The following PRPF18 variants were observed in gnomAD, a reference collection of about 807,000 sequenced individuals.
The protein encoded by PRPF18 is pre-mRNA processing factor 18, also known as pre-mRNA-splicing factor 18.
In PRPF18, 38 loss-of-function variants were observed where a neutral mutation model predicts 46.5. The observed-to-expected ratio is 0.82, with a 90% CI of 0.63 to 1.07. The LOEUF (loss-of-function observed/expected upper bound fraction) is 1.07. Ranked by LOEUF, PRPF18 falls within the 50% of genes least tolerant of loss-of-function variation. The pLI is 0.00. For missense variants in PRPF18, 263 were observed against 410.0 expected (o/e 0.64, Z 3.10); for synonymous variants, 152 against 146.7 (o/e 1.04, Z -0.26).
the PRPF18 span, chr10:13,642,668 T>TA: frequency 6.6e-6 from 1 of 152,232 alleles, no homozygotes; most frequent in Non-Finnish European, 1.5e-5. Context: ...GAGAAGATGA[T>TA]ACGCTAATTT....
rs2080075378 is a variant in PRPF18 at position 13,599,425 on chromosome 10, A to G, written c.145-819A>G. ...TTTATGTTCTTTTGATCTTACTCCT[A>G]CTTTCAGCATTTTGGATTTATCTTA... is the stretch of plus-strand genomic sequence containing the variant. On this transcript the variant is annotated intron_variant, in intron 2 of 9. Coordinates refer to ENST00000378572, the MANE Select transcript of PRPF18 (RefSeq NM_003675.4). Among the ~76,000 whole-genome samples, 3 of 152,146 alleles carry G rather than the reference A, an allele frequency of 2.0e-5. No individual in the cohort carries two copies. In the South Asian group the frequency reaches 6.2e-4, roughly 32 times the overall value.
intron 4 of PRPF18, among the ~76,000 whole-genome samples, chr10:13,606,733 C>CAAAAAAA (rs34162273): frequency 0.015 from 1,071 of 72,954 alleles, 125 homozygotes; most frequent in East Asian, 0.083. Flanking sequence ...GACTCCTTCT[C>CAAAAAAA]AAAAAAAAAA....
intron 9 of PRPF18, among the ~76,000 whole-genome samples, chr10:13,629,789 T>C (rs2080568038): frequency 6.6e-6 from 1 of 152,162 alleles, no homozygotes; most frequent in Non-Finnish European, 1.5e-5. Flanking sequence ...TTCTCAGTCC[T>C]CCAAACATGA....
At chr10:13,650,810 T>G in the PRPF18 span, among the ~76,000 whole-genome samples, 1 of 152,210 alleles carries the variant, frequency 6.6e-6, no homozygotes, top group Non-Finnish European at 1.5e-5. Context: ...TTTTTGCACT[T>G]GGGATGGTCT....
chr10:13,634,693 C>G (rs1174289774), downstream of PRPF18, among the ~76,000 whole-genome samples: 2 of 152,146 alleles, frequency 1.3e-5, no homozygotes, highest in African/African-American at 4.8e-5. Flanking sequence ...TATGGAGACC[C>G]AGTATTACAT....
chr10:13,635,523 G>A (rs1259997616), downstream of PRPF18, among the ~76,000 whole-genome samples: 1 of 152,160 alleles, frequency 6.6e-6, no homozygotes, highest in East Asian at 1.9e-4. Flanking sequence ...TAGTATAAAA[G>A]CGTTCCTTTT....
chr10:13,614,023 TGC>T lies in PRPF18; in HGVS notation c.730_731del (p.Ala244Ter). ...FRKLRKRNLP[A>X]DIKESITDII... is the part of the protein sequence containing the mutation. ...TTATTTATTTTTTTCAGAATCTTCC[TGC>T]TGATATTAAAGAATCAATAACGGAT... On this transcript the variant is annotated frameshift_variant, in exon 8 of 10. Transcript: ENST00000378572. LOFTEE classifies it high-confidence loss of function. The T allele has an allele frequency of 6.3e-7, 1 of 1,585,906 alleles. No individual in the cohort carries two copies. Among genetic ancestry groups the T allele is most frequent in the African/African-American group, 1.4e-5 (1 of 73,924 alleles).
At chr10:13,618,750 C>G (rs1471050968) in intron 9 of PRPF18, among the ~76,000 whole-genome samples, 1 of 151,686 alleles carries the variant, frequency 6.6e-6, no homozygotes, top group East Asian at 1.9e-4. Flanking sequence ...CAGTATTGTA[C>G]CCCTAGAATC....
rs543898790 is a variant in PRPF18 at position 13,605,938 on chromosome 10, A to G, written c.363+194A>G. Reference sequence around the variant, plus strand: ...ACATTTAATGCATTTTGACAAATACATACAAGCATATAACCATTGCCCTTA... The same window carrying G: ...ACATTTAATGCATTTTGACAAATACGTACAAGCATATAACCATTGCCCTTA... On this transcript the variant is annotated intron_variant, in intron 4 of 9. Coordinates refer to ENST00000378572, the MANE Select transcript of PRPF18 (RefSeq NM_003675.4). Among the ~76,000 whole-genome samples the G allele has an allele frequency of 2.6e-5, 4 of 152,346 alleles. No homozygotes were observed. In the South Asian group the frequency reaches 8.3e-4, roughly 32 times the overall value.
chr10:13,632,631 T>C (rs1427887666), downstream of PRPF18: 2 of 152,184 alleles, frequency 1.3e-5, no homozygotes, highest in Non-Finnish European at 2.9e-5. Flanking sequence ...GTGTGGTAGA[T>C]GGTTTAGAGA....
Position 13,592,184 on chromosome 10 carries a change from G to T in PRPF18, c.66+5032G>T, listed in dbSNP as rs992931222. 9 of 623,286 alleles carry T rather than the reference G, an allele frequency of 1.4e-5. No homozygotes were observed. The African/African-American group carries it at 1.7e-4, about 11-fold the overall frequency. The allele number at this position is 623,286 out of a possible 1,614,324, so 38.6% of individuals were successfully genotyped here. ...TGCCAATTCCTCTGACAAGGACAGG[G>T]TTGTGCTGCAATGGGGCTTCCCCTT... On this transcript the variant is annotated intron_variant, in intron 1 of 9. Coordinates refer to ENST00000378572, the MANE Select transcript of PRPF18 (RefSeq NM_003675.4).
the PRPF18 span, among the ~76,000 whole-genome samples, chr10:13,648,924 A>G: frequency 4.6e-5 from 7 of 152,206 alleles, no homozygotes; most frequent in South Asian, 4.2e-4. Context: ...CTCTGAGGGG[A>G]AAAAAAGCTT....
chr10:13,626,713 G>A (rs989079470), intron 9 of PRPF18, among the ~76,000 whole-genome samples: 5 of 152,086 alleles, frequency 3.3e-5, no homozygotes, highest in Admixed American at 6.6e-5. Flanking sequence ...CACTTAAAAC[G>A]TTTGAAAAGG....
intron 4 of PRPF18, among the ~76,000 whole-genome samples, chr10:13,606,602 G>A (rs1455952019): frequency 6.6e-6 from 1 of 152,044 alleles, no homozygotes; most frequent in African/African-American, 2.4e-5. Context: ...GGGCGTAGTG[G>A]CGTGTGCCTG....
chr10:13,613,220 C>T (rs1370989268), intron 6 of PRPF18, among the ~76,000 whole-genome samples: 1 of 151,988 alleles, frequency 6.6e-6, no homozygotes. Flanking sequence ...ACAGTTAAAC[C>T]CAAGGGGCAC....
downstream of PRPF18, among the ~76,000 whole-genome samples, chr10:13,634,079 C>T (rs535307120): frequency 2.8e-4 from 42 of 152,242 alleles, no homozygotes; most frequent in Middle Eastern, 3.4e-3. Flanking sequence ...TGGCCAGCCG[C>T]GCAGCTATGG....
the PRPF18 span, chr10:13,653,795 G>A: frequency 6.5e-6 from 1 of 154,012 alleles, no homozygotes; most frequent in African/African-American, 2.4e-5. Flanking sequence ...CAGTAGTTCA[G>A]AATAGCCTCA....
At chr10:13,655,002 G>A in the PRPF18 span, 3 of 161,172 alleles carry the variant, frequency 1.9e-5, no homozygotes, top group African/African-American at 4.8e-5. Context: ...AAGGTTCTCA[G>A]AGCCTGCTCT....
At chr10:13,648,704 C>T in the PRPF18 span, 4 of 152,308 alleles carry the variant, frequency 2.6e-5, no homozygotes, top group East Asian at 3.9e-4. Flanking sequence ...GGCTGGTACA[C>T]GCTTTTGTTT....
Sources: allele counts gnomAD v4.1 joint callset (sites outside exome capture counted in the v4.1 genomes callset), GRCh38; gene constraint gnomAD v4.1.1; transcripts MANE v1.5; gene names NCBI Gene and HGNC (gene_info 2026-07-23, HGNC 2026-07-21).